ANKRD33: variants seen among roughly 807,000 people sequenced by gnomAD.
The protein encoded by ANKRD33 is ankyrin repeat domain 33, also known as photoreceptor ankyrin repeat protein.
A neutral mutation model predicts 20.6 loss-of-function variants in ANKRD33; 20 were observed. The observed-to-expected ratio is 0.97, with a 90% CI of 0.68 to 1.41. The LOEUF (loss-of-function observed/expected upper bound fraction) is 1.41, where lower values mean the gene tolerates loss of function less well. Ranked by LOEUF, ANKRD33 falls within the 40% of genes most tolerant of loss-of-function variation. The pLI, the probability that ANKRD33 is intolerant of heterozygous loss-of-function variation, is 0.00. For missense variants in ANKRD33, 545 were observed against 579.6 expected (o/e 0.94, Z 0.61); for synonymous variants, 246 against 245.0 (o/e 1.00, Z -0.04).
chr12:51,891,482 A>C lies in ANKRD33; in HGVS notation c.*177A>C, dbSNP rs900913057. ...TGTTTGCAAGAGTGAAAGAGTGGAA[A>C]CACCCGAAGTGTCCATCAGTAAGGG... On this transcript the variant is annotated 3_prime_UTR_variant, in exon 5 of 5. Coordinates refer to ENST00000301190, the MANE Select transcript of ANKRD33 (RefSeq NM_182608.4). 30 of 1,138,930 alleles carry C rather than the reference A, an allele frequency of 2.6e-5. No homozygotes were observed. The highest frequency in any genetic ancestry group is 5.8e-5 in the Admixed American group (2 of 34,716). The allele number at this position is 1,138,930 out of a possible 1,614,324, so 70.6% of individuals were successfully genotyped here.
At position 51,891,053 on chromosome 12, in the gene ANKRD33, CTTCG is replaced by C; in HGVS notation, c.1109_1112del (p.Phe370SerfsTer10). On this transcript the variant is annotated frameshift_variant, in exon 5 of 5. Coordinates refer to ENST00000301190, the MANE Select transcript of ANKRD33 (RefSeq NM_182608.4). LOFTEE classifies it low-confidence loss of function (END_TRUNC). ...GGAGTCCCCAGAGGTCCCCGTGGGT[CTTCG>C]TCCCCTACCAGAGCCCTCAGGGCAT... The C allele has an allele frequency of 6.2e-7, 1 of 1,614,078 alleles. No individual in the cohort carries two copies. The highest frequency in any genetic ancestry group is 8.5e-7 in the Non-Finnish European group (1 of 1,180,006).
intron 1 of ANKRD33, 73 bp from the exon 2 acceptor site, chr12:51,888,495 A>C: frequency 6.4e-7 from 1 of 1,557,196 alleles, no homozygotes; most frequent in East Asian, 2.2e-5. Flanking sequence ...AGGGCTGTGC[A>C]CTTCGCAGCT....
intron 4 of ANKRD33, chr12:51,889,754 C>T (rs1940349798): frequency 1.7e-6 from 1 of 577,618 alleles, no homozygotes; most frequent in African/African-American, 1.9e-5. Flanking sequence ...GGGAGGGGAA[C>T]CTAGCCCAGC....
chr12:51,889,039 C>G, intron 2 of ANKRD33, 28 bp from the exon 3 acceptor site: 1 of 1,613,784 alleles, frequency 6.2e-7, no homozygotes, highest in Non-Finnish European at 8.5e-7. Context: ...AGGGGGAAAG[C>G]AGGGGATCTG....
intron 4 of ANKRD33, chr12:51,889,961 G>T (rs1055754989): frequency 4.5e-5 from 10 of 220,768 alleles, no homozygotes; most frequent in African/African-American, 1.6e-4. Context: ...GGTCGTTCAG[G>T]GGGAGGTGCG....
Position 51,890,800 on chromosome 12 carries a change from A to T in ANKRD33, c.854A>T (p.Glu285Val). 2.5e-6 allele frequency: 4 copies of T among 1,607,346 alleles called. No individual in the cohort carries two copies. Among genetic ancestry groups the T allele is most frequent in the Non-Finnish European group, 3.4e-6 (4 of 1,179,292 alleles). ...GCCCAGGTTGCCCCTTCACTCCTAGAACGGCTGCAGGCTACCTTGAGCCTC... is the reference window on the plus strand; with the variant it reads ...GCCCAGGTTGCCCCTTCACTCCTAGTACGGCTGCAGGCTACCTTGAGCCTC... ...AQAQVAPSLLERLQATLSLPF... is the reference protein window; with the variant it reads ...AQAQVAPSLLVRLQATLSLPF... Residue 285 changes from glutamate (E) to valine (V), a missense_variant, in exon 5 of 5, where the codon GAA becomes GTA. Coordinates refer to ENST00000301190, the MANE Select transcript of ANKRD33 (RefSeq NM_182608.4).
At position 51,890,728 on chromosome 12, in the gene ANKRD33, C is replaced by T; in HGVS notation, c.782C>T (p.Pro261Leu). The change falls in exon 5 of 5, where the codon CCC (proline) becomes CTC (leucine). Residue 261 changes from proline to leucine, a missense_variant. By Grantham distance (98) the Pro-to-Leu change is moderately conservative (BLOSUM62 -3). Coordinates refer to ENST00000301190, the MANE Select transcript of ANKRD33 (RefSeq NM_182608.4). ...QVEQLSQHYKPEWPALSGLVA... is the reference protein window; with the variant it reads ...QVEQLSQHYKLEWPALSGLVA... Reference sequence around the variant, plus strand: ...GAGCAGCTTAGCCAGCACTACAAGCCCGAGTGGCCGGCCTTGTCCGGGCTC... The same window carrying T: ...GAGCAGCTTAGCCAGCACTACAAGCTCGAGTGGCCGGCCTTGTCCGGGCTC... The T allele has an allele frequency of 1.2e-6, 2 of 1,604,016 alleles. No homozygotes were observed. The highest frequency in any genetic ancestry group is 1.7e-6 in the Non-Finnish European group (2 of 1,179,928).
rs1416195114 is a variant in ANKRD33 at position 51,888,621 on chromosome 12, G to A, written c.199G>A (p.Glu67Lys). ...THLLVPCLEE[E>K]ELALHRRRLD... ...CCTTCTGGTTCCCTGCCTGGAAGAG[G>A]AAGAGCTGGCATTGCACAGGAGACG... Residue 67 changes from glutamate to lysine, a missense_variant, in exon 2 of 5, where the codon GAA (glutamate) becomes AAA (lysine). Coordinates refer to ENST00000301190, the MANE Select transcript of ANKRD33 (RefSeq NM_182608.4). 2 of 1,579,204 alleles carry A rather than the reference G, an allele frequency of 1.3e-6. No homozygotes were observed. Among genetic ancestry groups the A allele is most frequent in the Non-Finnish European group, 1.7e-6 (2 of 1,163,760 alleles).
chr12:51,889,674 C>T (rs2139037461), intron 4 of ANKRD33, 192 bp downstream of exon 4: 3 of 1,098,650 alleles, frequency 2.7e-6, no homozygotes, highest in African/African-American at 3.2e-5. Flanking sequence ...ATTTGGGCTT[C>T]GTACAATCAA....
rs1940431650 is a variant in ANKRD33, at chr12:51,891,632, A to G, written c.*327A>G. The G allele has an allele frequency of 2.9e-6, 1 of 341,650 alleles. No homozygotes were observed. The highest frequency in any genetic ancestry group is 6.1e-5 in the South Asian group (1 of 16,262). The allele number at this position is 341,650 out of a possible 1,614,324, so 21.2% of individuals were successfully genotyped here. On this transcript the variant is annotated 3_prime_UTR_variant, in exon 5 of 5. Coordinates refer to ENST00000301190, the MANE Select transcript of ANKRD33 (RefSeq NM_182608.4). ...ATATGAAACTACCATCAAGATGTAT[A>G]AAGTAAAAATAACTAAGGAGTGGAA...
chr12:51,888,350 C>CCT lies in ANKRD33; in HGVS notation c.145+25_145+26dup. 6.2e-7 allele frequency: 1 copy of CCT among 1,613,798 alleles called. No homozygotes were observed. The highest frequency in any genetic ancestry group is 8.5e-7 in the Non-Finnish European group (1 of 1,179,998). ...ACCCCAAGTAAGAAAAAACGACGACCCTCTCTCCGTGAGTCTCACTGGGGT... is the reference window on the plus strand; with the variant it reads ...ACCCCAAGTAAGAAAAAACGACGACCCTCTCTCTCCGTGAGTCTCACTGGGGT... On this transcript the variant is annotated intron_variant, in intron 1 of 4. Coordinates refer to ENST00000301190, the MANE Select transcript of ANKRD33 (RefSeq NM_182608.4).
Position 51,891,132 on chromosome 12 carries a change from A to T in ANKRD33, c.1186A>T (p.Arg396Trp). The change falls in exon 5 of 5, where the codon AGG (arginine) becomes TGG (tryptophan). Residue 396 changes from arginine to tryptophan, a missense_variant. Arg to Trp is a moderately radical substitution (Grantham distance 101). Transcript: ENST00000301190. ...WLQPRDSTSP[R>W]PQVPKILLSK... Reference sequence around the variant, plus strand: ...ACAACCCAGGGATAGCACCAGCCCCAGGCCCCAAGTCCCCAAGATCCTCCT... The same window carrying T: ...ACAACCCAGGGATAGCACCAGCCCCTGGCCCCAAGTCCCCAAGATCCTCCT... 1 of 1,614,138 alleles carries T rather than the reference A, an allele frequency of 6.2e-7. No homozygotes were observed.
At position 51,891,284 on chromosome 12, in the gene ANKRD33, G is replaced by T; in HGVS notation, c.1338G>T (p.Glu446Asp). ...LRIEKRKQEE[E>D]ARMAQK Reference sequence around the variant, plus strand: ...TAGAGAAGAGGAAACAGGAGGAGGAGGCCAGAATGGCACAGAAGTAGGGGA... The same window carrying T: ...TAGAGAAGAGGAAACAGGAGGAGGATGCCAGAATGGCACAGAAGTAGGGGA... Residue 446 changes from glutamate (E) to aspartate (D), a missense_variant, in exon 5 of 5, where the codon GAG becomes GAT. Transcript: ENST00000301190. 1 of 1,614,126 alleles carries T rather than the reference G, an allele frequency of 6.2e-7. No homozygotes were observed. The highest frequency in any genetic ancestry group is 8.5e-7 in the Non-Finnish European group (1 of 1,179,976).
At chr12:51,888,473 T>G (rs1047842005) in intron 1 of ANKRD33, 95 bp from the exon 2 acceptor site, 172 of 1,565,142 alleles carry the variant, frequency 1.1e-4, no homozygotes, top group Non-Finnish European at 9.7e-5. Flanking sequence ...GATAAATGTT[T>G]TCCCTGGGGC....
In ANKRD33 at chr12:51,890,584, G is replaced by C. The variant is rs766009960; in HGVS notation, c.638G>C (p.Cys213Ser). Reference sequence around the variant, plus strand: ...TGTCACCCCCTGTGCTCCTTCCCAGGTGCTGACCTGACAGCAGTGGACCCT... The same window carrying C: ...TGTCACCCCCTGTGCTCCTTCCCAGCTGCTGACCTGACAGCAGTGGACCCT... The part of the protein sequence containing the change: ...ALMKAAMRNR[C>S]ADLTAVDPVR... The change falls in exon 5 of 5, where the codon TGT becomes TCT. Residue 213 changes from cysteine (C) to serine (S), a missense_variant and splice_region_variant. Transcript: ENST00000301190. The C allele has an allele frequency of 6.8e-6, 11 of 1,609,806 alleles. No individual in the cohort carries two copies. In the Admixed American group the frequency reaches 1.8e-4, roughly 27 times the overall value.
Position 51,888,115 on chromosome 12 carries a change from C to G in ANKRD33, c.-72C>G, listed in dbSNP as rs1037649610. 133 of 1,564,906 alleles carry G rather than the reference C, an allele frequency of 8.5e-5. No homozygotes were observed. Among genetic ancestry groups the G allele is most frequent in the Non-Finnish European group, 1.1e-4 (127 of 1,148,020 alleles). On this transcript the variant is annotated 5_prime_UTR_variant, in exon 1 of 5. Coordinates refer to ENST00000301190, the MANE Select transcript of ANKRD33 (RefSeq NM_182608.4). ...TGAGTCCGCTCCTGAGACGTGACCA[C>G]CCGCCCCGCATGGGGCCCCAGTCCC...
intron 1 of ANKRD33, 104 bp downstream of exon 1, chr12:51,888,435 A>G (rs1364791041): frequency 2.0e-5 from 32 of 1,578,638 alleles, no homozygotes; most frequent in Middle Eastern, 3.4e-4. Context: ...GTCCTTTCTC[A>G]GGGTGGATGG....
chr12:51,891,306 G>C lies in ANKRD33; in HGVS notation c.*1G>C. 1 of 1,613,452 alleles carries C rather than the reference G, an allele frequency of 6.2e-7. No homozygotes were observed. ...GGAGGCCAGAATGGCACAGAAGTAG[G>C]GGAAGATGGGATAGGACAGGCTGGG... is the stretch of plus-strand genomic sequence containing the variant. On this transcript the variant is annotated 3_prime_UTR_variant, in exon 5 of 5. Transcript: ENST00000301190.
At position 51,889,353 on chromosome 12, in the gene ANKRD33, T is replaced by C. The variant is rs1208712454; in HGVS notation, c.527-19T>C. 2 of 1,612,932 alleles carry C rather than the reference T, an allele frequency of 1.2e-6. No individual in the cohort carries two copies. Among genetic ancestry groups the C allele is most frequent in the Non-Finnish European group, 1.7e-6 (2 of 1,179,460 alleles). The stretch of plus-strand genomic sequence containing the variant: ...CACCCCCTTTCCTGGGGACCAAGCT[T>C]ACCCTTGCTGCCCTGCAGGCCACGT... On this transcript the variant is annotated intron_variant, in intron 3 of 4. Coordinates refer to ENST00000301190, the MANE Select transcript of ANKRD33 (RefSeq NM_182608.4).
Sources: allele counts gnomAD v4.1 joint callset, GRCh38; gene constraint gnomAD v4.1.1; transcripts MANE v1.5; gene names NCBI Gene and HGNC (gene_info 2026-07-23, HGNC 2026-07-21).